Variants in AGBL4 observed in about 807,000 individuals in gnomAD.
AGBL4 encodes the protein cytosolic carboxypeptidase 6.
A neutral mutation model predicts 66.4 loss-of-function variants in AGBL4; 58 were observed. The observed-to-expected ratio is 0.87, with a 90% CI of 0.71 to 1.09. The LOEUF is 1.09. Among genes scored for constraint, AGBL4 ranks in the 50% least tolerant of loss-of-function variants. AGBL4 has a pLI of 0.00. For synonymous variants in AGBL4, 234 were observed against 222.9 expected (o/e 1.05, Z -0.44); for missense variants, 579 against 631.0 (o/e 0.92, Z 0.88).
Position 48,736,605 on chromosome 1 carries a change from T to A in AGBL4, c.635-73364A>T, listed in dbSNP as rs188490440. ...TCTTTAAGGGTAATCGTAATAGCTA[T>A]CATCTACTGAATACGTGTAGTGTGC... is the stretch of plus-strand genomic sequence containing the variant. On this transcript the variant is annotated intron_variant, in intron 6 of 13. Coordinates refer to ENST00000371839, the MANE Select transcript of AGBL4 (RefSeq NM_032785.4). The surrounding 1 kb of genome is among the most constrained non-coding windows in gnomAD (Gnocchi z 4.0). 6.6e-6 allele frequency among the ~76,000 whole-genome samples: 1 copy of A among 152,320 alleles called. No individual in the cohort carries two copies. Among genetic ancestry groups the A allele is most frequent in the Admixed American group, 6.5e-5 (1 of 15,300 alleles).
At chr1:49,719,653 A>C (rs571066319) in intron 2 of AGBL4, among the ~76,000 whole-genome samples, 1 of 152,266 alleles carries the variant, frequency 6.6e-6, no homozygotes, top group South Asian at 2.1e-4. Flanking sequence ...TGAAAGTAAG[A>C]TAAAACTTGA....
intron 6 of AGBL4, among the ~76,000 whole-genome samples, chr1:48,807,954 G>T (rs1645964783): frequency 6.6e-6 from 1 of 152,136 alleles, no homozygotes; most frequent in African/African-American, 2.4e-5. Context: ...ACATCTTGGG[G>T]CAGAGCACTG....
intron 1 of AGBL4, among the ~76,000 whole-genome samples, chr1:49,972,562 G>A (rs1402151055): frequency 1.3e-5 from 2 of 152,152 alleles, no homozygotes; most frequent in African/African-American, 2.4e-5. Flanking sequence ...TGGGAGGATT[G>A]CTTAGGCCTA....
intron 1 of AGBL4, among the ~76,000 whole-genome samples, chr1:49,869,700 C>T (rs1646792336): frequency 6.6e-6 from 1 of 152,012 alleles, no homozygotes; most frequent in Non-Finnish European, 1.5e-5. Context: ...CCATGGCACA[C>T]GTTTACCTAC....
intron 4 of AGBL4, among the ~76,000 whole-genome samples, chr1:49,058,806 T>C (rs573262235): frequency 1.3e-5 from 2 of 152,296 alleles, no homozygotes; most frequent in South Asian, 2.1e-4. Context: ...ATGAGGAACT[T>C]GTTGGGAACT....
chr1:49,237,512 TTATATATATATATATATATATATATA>T (rs71056690), intron 4 of AGBL4, among the ~76,000 whole-genome samples: 79 of 2,292 alleles, frequency 0.034, 1 homozygote, highest in South Asian at 0.062. Flanking sequence ...CAATATTACA[TTATATATATATATATATATATATATA>T]TATATATATA....
At chr1:49,051,005 T>C (rs1644199567) in intron 4 of AGBL4, among the ~76,000 whole-genome samples, 1 of 152,032 alleles carries the variant, frequency 6.6e-6, no homozygotes, top group South Asian at 2.1e-4. Flanking sequence ...AGAAGAGAAG[T>C]CCCAGACCTA....
intron 6 of AGBL4, among the ~76,000 whole-genome samples, chr1:48,746,901 A>G (rs947162497): frequency 2.0e-5 from 3 of 152,246 alleles, no homozygotes; most frequent in African/African-American, 7.2e-5. Flanking sequence ...AATGTTTAGC[A>G]TTACAGGATC....
intron 3 of AGBL4, among the ~76,000 whole-genome samples, chr1:49,589,054 T>C (rs979960473): frequency 5.3e-5 from 8 of 152,278 alleles, no homozygotes; most frequent in Admixed American, 5.2e-4. Context: ...GTTGTATGCA[T>C]ACAGGAAACA....
At chr1:48,588,521 T>C (rs1033170856) in intron 10 of AGBL4, among the ~76,000 whole-genome samples, 3 of 152,102 alleles carry the variant, frequency 2.0e-5, no homozygotes, top group Non-Finnish European at 4.4e-5. Flanking sequence ...CCCTGGAAAT[T>C]TAAGCAAATG....
chr1:49,598,812 G>A (rs371315849), intron 3 of AGBL4, among the ~76,000 whole-genome samples: 5 of 152,118 alleles, frequency 3.3e-5, no homozygotes, highest in Non-Finnish European at 5.9e-5. Context: ...TAGCATGAAG[G>A]GGTGTTGAAT....
At chr1:48,600,007 G>A (rs1645051259) in intron 9 of AGBL4, among the ~76,000 whole-genome samples, 1 of 152,244 alleles carries the variant, frequency 6.6e-6, no homozygotes, top group East Asian at 1.9e-4. Context: ...AGGAGACCGT[G>A]GAGTGGTCAG....
At chr1:49,780,565 G>A (rs972327298) in intron 2 of AGBL4, among the ~76,000 whole-genome samples, 5 of 151,866 alleles carry the variant, frequency 3.3e-5, no homozygotes, top group Non-Finnish European at 5.9e-5. Context: ...ATGCCTGTGA[G>A]ATATACTATG....
chr1:49,774,224 C>T (rs1056532181), intron 2 of AGBL4, among the ~76,000 whole-genome samples: 2 of 152,160 alleles, frequency 1.3e-5, no homozygotes, highest in Non-Finnish European at 2.9e-5. Flanking sequence ...TAACTGCTGG[C>T]GTCTGCAACA....
chr1:48,984,884 C>A (rs1372924193), intron 5 of AGBL4, among the ~76,000 whole-genome samples: 2 of 151,700 alleles, frequency 1.3e-5, no homozygotes, highest in Non-Finnish European at 2.9e-5. Flanking sequence ...AAATGTGCCA[C>A]AAGATCATAT....
At chr1:49,778,491 A>T (rs1644254701) in intron 2 of AGBL4, among the ~76,000 whole-genome samples, 2 of 152,224 alleles carry the variant, frequency 1.3e-5, no homozygotes, top group South Asian at 4.1e-4. Flanking sequence ...CCCTAATAAC[A>T]TTATCAAAAC....
chr1:49,930,979 T>C (rs900446936), intron 1 of AGBL4, among the ~76,000 whole-genome samples: 1 of 152,132 alleles, frequency 6.6e-6, no homozygotes, highest in Non-Finnish European at 1.5e-5. Context: ...TATTCACAGA[T>C]GACATGATTG....
In AGBL4 at chr1:49,844,286, T is replaced by C. The variant is rs368690014; in HGVS notation, c.157+7110A>G. ...TGCCACCTGGCATCATGGAGGCCACTGTAGCTGGGGCCTGGCTGCCACATT... is the reference window on the plus strand; with the variant it reads ...TGCCACCTGGCATCATGGAGGCCACCGTAGCTGGGGCCTGGCTGCCACATT... On this transcript the variant is annotated intron_variant, in intron 2 of 13. Coordinates refer to ENST00000371839, the MANE Select transcript of AGBL4 (RefSeq NM_032785.4). Among the ~76,000 whole-genome samples, 210 of 152,308 alleles carry C rather than the reference T, an allele frequency of 1.4e-3. 1 individual carries two copies. Among genetic ancestry groups the C allele is most frequent in the African/African-American group, 4.7e-3 (197 of 41,578 alleles).
chr1:49,106,173 C>T (rs1375852027), intron 4 of AGBL4, among the ~76,000 whole-genome samples: 1 of 152,168 alleles, frequency 6.6e-6, no homozygotes, highest in Non-Finnish European at 1.5e-5. Context: ...AACTACACCA[C>T]ATTCCAGATA....
Sources: gnomAD v4.1 joint callset for allele counts (sites outside exome capture counted in the v4.1 genomes callset) on GRCh38, gnomAD v4.1.1 for gene constraint, Gnocchi (gnomAD v3.1) non-coding constraint, MANE v1.5 for transcripts, NCBI Gene and HGNC (gene_info 2026-07-23, HGNC 2026-07-21) for gene names.